The following COL13A1 variants were observed in gnomAD, a reference collection of about 807,000 sequenced individuals.
COL13A1 encodes the protein collagen type XIII alpha 1 chain, also known as collagen alpha-1(XIII) chain.
A neutral mutation model predicts 130.9 loss-of-function variants in COL13A1; 89 were observed. The observed-to-expected ratio is 0.68, with a 90% confidence interval of 0.57 to 0.81. COL13A1 has a LOEUF of 0.81. Ranked by LOEUF, COL13A1 falls within the 30% of genes least tolerant of loss-of-function variation. The pLI is 0.00. For missense variants in COL13A1, 879 were observed against 934.6 expected (o/e 0.94, Z 0.78); for synonymous variants, 402 against 341.6 (o/e 1.18, Z -1.95).
intron 19 of COL13A1, 44 bp downstream of exon 19, chr10:69,918,361 G>A (rs1469954214): frequency 2.5e-6 from 4 of 1,603,342 alleles, no homozygotes; most frequent in Non-Finnish European, 3.4e-6. Context: ...CAGGGTGGGA[G>A]AGAAGAGAGC....
chr10:69,943,347 CCAA>C (rs973102756), intron 35 of COL13A1, among the ~76,000 whole-genome samples: 14 of 152,220 alleles, frequency 9.2e-5, no homozygotes, highest in African/African-American at 1.7e-4. Context: ...TCATCTGAGG[CCAA>C]CAACAGGAGA....
intron 2 of COL13A1, among the ~76,000 whole-genome samples, chr10:69,836,931 C>T (rs1319957680): frequency 1.5e-5 from 2 of 131,266 alleles, no homozygotes; most frequent in Admixed American, 8.2e-5. Context: ...TGAGCTGTCA[C>T]GGGGTGACCT....
In COL13A1 at chr10:69,936,747, C is replaced by T. The variant is rs768605078; in HGVS notation, c.1771-9C>T. 29 of 1,613,748 alleles carry T rather than the reference C, an allele frequency of 1.8e-5. No individual in the cohort carries two copies. The highest frequency in any genetic ancestry group is 2.2e-5 in the Non-Finnish European group (26 of 1,179,818). On this transcript the variant is annotated splice_polypyrimidine_tract_variant and intron_variant, in intron 32 of 40. Coordinates refer to ENST00000645393, the MANE Select transcript of COL13A1 (RefSeq NM_001368882.1). ...AGTTCTAATGCACCTTGCTTTATTC[C>T]AAATGCAGGGGCTCCAAGGTGTTCC... is the stretch of plus-strand genomic sequence containing the variant.
intron 2 of COL13A1, among the ~76,000 whole-genome samples, chr10:69,859,475 G>A (rs1042129400): frequency 2.1e-4 from 32 of 152,194 alleles, no homozygotes; most frequent in African/African-American, 6.8e-4. Flanking sequence ...GGCAGTCGCC[G>A]GGCAGGGCAC....
intron 1 of COL13A1, among the ~76,000 whole-genome samples, chr10:69,814,074 C>T (rs542920855): frequency 6.6e-6 from 1 of 152,372 alleles, no homozygotes; most frequent in East Asian, 1.9e-4. Flanking sequence ...AACGGGGCAG[C>T]CAGCCCAGCA....
chr10:69,900,272 C>A (rs1227737), intron 14 of COL13A1, among the ~76,000 whole-genome samples: 10,902 of 152,212 alleles, frequency 0.072, 434 homozygotes, highest in Middle Eastern at 0.14. Flanking sequence ...TTTTTTGAGC[C>A]CTCACTGGGT....
chr10:69,816,694 G>A lies in COL13A1; in HGVS notation c.295-5675G>A, dbSNP rs1231468706. 1.3e-4 allele frequency among the ~76,000 whole-genome samples: 20 copies of A among 152,106 alleles called. No individual in the cohort carries two copies. In the East Asian group the frequency reaches 2.9e-3, roughly 22 times the overall value. On this transcript the variant is annotated intron_variant, in intron 1 of 40. Coordinates refer to ENST00000645393, the MANE Select transcript of COL13A1 (RefSeq NM_001368882.1). Reference sequence around the variant, plus strand: ...GAAATGGGGAGAGTGCGTGTCCTGGGAGCCAAGGGCAGGAAGTGCCCCGAG... The same window carrying A: ...GAAATGGGGAGAGTGCGTGTCCTGGAAGCCAAGGGCAGGAAGTGCCCCGAG...
intron 34 of COL13A1, among the ~76,000 whole-genome samples, chr10:69,938,843 T>G (rs1361892105): frequency 2.0e-5 from 3 of 152,228 alleles, no homozygotes; most frequent in African/African-American, 7.2e-5. Context: ...CATTTTCCCA[T>G]GTCTTAAGCT....
At chr10:69,948,593 T>G (rs1024231093) in intron 38 of COL13A1, among the ~76,000 whole-genome samples, 2 of 152,250 alleles carry the variant, frequency 1.3e-5, no homozygotes, top group African/African-American at 4.8e-5. Flanking sequence ...TCTAAAATCT[T>G]TGATCATTCC....
intron 2 of COL13A1, among the ~76,000 whole-genome samples, chr10:69,840,466 G>C (rs796660783): frequency 2.1e-4 from 32 of 152,310 alleles, no homozygotes; most frequent in African/African-American, 7.2e-4. Flanking sequence ...CCTGTGGCCT[G>C]TCTGCCTGGC....
intron 30 of COL13A1, among the ~76,000 whole-genome samples, chr10:69,930,814 T>C (rs548418755): frequency 6.6e-6 from 1 of 152,330 alleles, no homozygotes; most frequent in Middle Eastern, 3.4e-3. Flanking sequence ...AGTCTCCGTC[T>C]CCTCATCTCT....
intron 38 of COL13A1, among the ~76,000 whole-genome samples, chr10:69,951,181 G>A (rs2136299761): frequency 6.6e-6 from 1 of 152,012 alleles, no homozygotes; most frequent in African/African-American, 2.4e-5. Flanking sequence ...TTCCTCTAAT[G>A]AACATCTACC....
At chr10:69,879,432 C>T (rs1314338896) in intron 6 of COL13A1, 4 of 152,234 alleles carry the variant, frequency 2.6e-5, no homozygotes, top group Non-Finnish European at 5.9e-5. Flanking sequence ...GACATTAAGT[C>T]GCTTGCCCAA....
chr10:69,905,173 C>T (rs968649876), intron 16 of COL13A1, among the ~76,000 whole-genome samples: 1 of 152,202 alleles, frequency 6.6e-6, no homozygotes, highest in Non-Finnish European at 1.5e-5. Context: ...GCCAATGAAG[C>T]TAGTGCTACG....
chr10:69,822,286 C>T, intron 1 of COL13A1, 83 bp from the exon 2 acceptor site: 3 of 1,074,518 alleles, frequency 2.8e-6, no homozygotes, highest in Non-Finnish European at 3.9e-6. Context: ...CTCTTCCTGC[C>T]CTCCTCGTCA....
chr10:69,815,550 A>G (rs1241152602), intron 1 of COL13A1, among the ~76,000 whole-genome samples: 1 of 152,120 alleles, frequency 6.6e-6, no homozygotes, highest in Non-Finnish European at 1.5e-5. Flanking sequence ...GTCAGATGTC[A>G]AGGGGGCCAG....
chr10:69,955,793 T>A (rs1000985160), intron 39 of COL13A1: 1 of 152,210 alleles, frequency 6.6e-6, no homozygotes, highest in Admixed American at 6.5e-5. Context: ...CATATCAATG[T>A]GTCAATTTTC....
chr10:69,936,906 G>T, intron 33 of COL13A1, 124 bp downstream of exon 33: 3 of 1,095,670 alleles, frequency 2.7e-6, no homozygotes, highest in Non-Finnish European at 4.0e-6. Flanking sequence ...AGGGGGTCCA[G>T]TCAGGGCAGG....
rs762280884 is a variant in COL13A1, at chr10:69,902,796, C to T, written c.799C>T (p.Pro267Ser). The T allele has an allele frequency of 4.5e-6, 7 of 1,553,092 alleles. No homozygotes were observed. The highest frequency in any genetic ancestry group is 1.2e-5 in the South Asian group (1 of 83,806). ...CCAAGGTCCACCAGGGCCCCCAGGC[C>T]CCCCTGGACCAAGTGGACCTCTGGG... ...SIQGPPGPPG[P>S]PGPSGPLGHP... The change falls in exon 15 of 41, where the codon CCC becomes TCC. Residue 267 changes from proline to serine, a missense_variant. Transcript: ENST00000645393.
Sources: allele counts gnomAD v4.1 joint callset (sites outside exome capture counted in the v4.1 genomes callset), GRCh38; gene constraint gnomAD v4.1.1; transcripts MANE v1.5; gene names NCBI Gene and HGNC (gene_info 2026-07-23, HGNC 2026-07-21).